The following INTS6 variants were observed in gnomAD, a reference collection of about 807,000 sequenced individuals.
INTS6 encodes integrator complex subunit 6.
In INTS6, 16 loss-of-function variants were observed where a neutral mutation model predicts 104.9. That is an observed-to-expected ratio of 0.15 (90% CI 0.10 to 0.23). INTS6 has a LOEUF of 0.23. Ranked by LOEUF, INTS6 falls within the 10% of genes least tolerant of loss-of-function variation. INTS6 has a pLI of 1.00. For synonymous variants in INTS6, 324 were observed against 358.7 expected, an observed-to-expected ratio of 0.90 and a Z score of 1.09; for missense variants, 584 against 1,062.8, an observed-to-expected ratio of 0.55 and a Z score of 6.26.
At position 51,355,661 on chromosome 13, in the gene INTS6, A is replaced by G. The variant is rs2137807254; in HGVS notation, n.431-1325T>C. ...CTTGCCTTAAAATGTTCTCCTTTCC[A>G]CCAACCACATTGAATTTCTTTGCAC... On this transcript the variant is annotated intron_variant and non_coding_transcript_variant, in intron 3 of 3. Transcript: ENST00000476666. 2.6e-5 allele frequency among the ~76,000 whole-genome samples: 4 copies of G among 152,216 alleles called. No homozygotes were observed. The South Asian group carries it at 8.3e-4, about 32-fold the overall frequency.
chr13:51,419,928 C>T (rs1260214550), intron 4 of INTS6, among the ~76,000 whole-genome samples: 1 of 152,180 alleles, frequency 6.6e-6, no homozygotes, highest in Non-Finnish European at 1.5e-5. Flanking sequence ...CAACCAAATC[C>T]AGCCCAGAGC....
intron 4 of INTS6, among the ~76,000 whole-genome samples, chr13:51,412,901 C>G (rs1044917715): frequency 2.0e-5 from 3 of 152,142 alleles, no homozygotes; most frequent in Non-Finnish European, 4.4e-5. Context: ...TTGGAAGAAA[C>G]TAGATCAACT....
chr13:51,374,573 C>CT, intron 14 of INTS6, 81 bp downstream of exon 14: 1 of 1,556,114 alleles, frequency 6.4e-7, no homozygotes, highest in Non-Finnish European at 8.8e-7. Flanking sequence ...ATAGCTTCAG[C>CT]TTACTTCAGT....
intron 4 of INTS6, among the ~76,000 whole-genome samples, chr13:51,426,683 C>G (rs1593749287): frequency 6.6e-6 from 1 of 151,930 alleles, no homozygotes; most frequent in Non-Finnish European, 1.5e-5. Flanking sequence ...CTTTGTTATC[C>G]TCATTGCCTA....
chr13:51,451,968 G>A lies in INTS6; in HGVS notation c.189+10C>T, dbSNP rs1318868754. 2 of 1,604,592 alleles carry A rather than the reference G, an allele frequency of 1.2e-6. No individual in the cohort carries two copies. Among genetic ancestry groups the A allele is most frequent in the Admixed American group, 1.7e-5 (1 of 59,774 alleles). On this transcript the variant is annotated intron_variant, in intron 2 of 17. Coordinates refer to ENST00000311234, the MANE Select transcript of INTS6 (RefSeq NM_012141.3). ...GGAAGGGAGGAAAGGGGGAGGGCGA[G>A]GGCTGTTACCTTGATAGCATAGGGC... is the stretch of plus-strand genomic sequence containing the variant.
intron 3 of INTS6, chr13:51,448,419 A>AC (rs1476495922): frequency 1.3e-5 from 2 of 152,206 alleles, no homozygotes; most frequent in African/African-American, 2.4e-5. Context: ...TAGGCATGGA[A>AC]TTTTTTAGTG....
intron 2 of INTS6, 121 bp downstream of exon 2, chr13:51,451,857 G>A: frequency 1.6e-6 from 1 of 625,518 alleles, no homozygotes; most frequent in Non-Finnish European, 2.8e-6. Flanking sequence ...GACCTCAGCG[G>A]CTGGGAGCGC....
At chr13:51,431,490 C>G (rs964975753) in intron 3 of INTS6, among the ~76,000 whole-genome samples, 1 of 152,138 alleles carries the variant, frequency 6.6e-6, no homozygotes, top group African/African-American at 2.4e-5. Flanking sequence ...CTTAGAACAA[C>G]AAGAATGTAG....
chr13:51,413,080 A>G (rs1455195979), intron 4 of INTS6, among the ~76,000 whole-genome samples: 1 of 152,228 alleles, frequency 6.6e-6, no homozygotes. Flanking sequence ...ATGGTAATCA[A>G]AAAGAAAGAC....
At chr13:51,361,073 A>G (rs1955566635), downstream of INTS6, among the ~76,000 whole-genome samples, 1 of 152,070 alleles carries the variant, frequency 6.6e-6, no homozygotes, top group Admixed American at 6.6e-5. Flanking sequence ...AAAGTTTGGT[A>G]ACATATTGAG....
chr13:51,426,993 T>A (rs1956996284), intron 4 of INTS6, among the ~76,000 whole-genome samples: 1 of 152,160 alleles, frequency 6.6e-6, no homozygotes, highest in African/African-American at 2.4e-5. Context: ...TTTTCTCATT[T>A]GTAAAATATA....
chr13:51,439,625 C>G (rs1952755996), intron 3 of INTS6: 1 of 152,208 alleles, frequency 6.6e-6, no homozygotes, highest in Non-Finnish European at 1.5e-5. Flanking sequence ...AGCACCTCCC[C>G]TAAACCCCCA....
At chr13:51,411,570 G>C (rs1468405315) in intron 4 of INTS6, among the ~76,000 whole-genome samples, 1 of 150,432 alleles carries the variant, frequency 6.6e-6, no homozygotes, top group East Asian at 1.9e-4. Flanking sequence ...AAAAAGAAAA[G>C]AAAAGAAACA....
intron 11 of INTS6, 102 bp downstream of exon 11, chr13:51,379,360 G>T: frequency 2.0e-6 from 1 of 493,370 alleles, no homozygotes; most frequent in Non-Finnish European, 3.6e-6. Context: ...TAATATAATG[G>T]AATTCCATTA....
intron 6 of INTS6, 46 bp from the exon 7 acceptor site, chr13:51,387,586 G>A (rs1440547355): frequency 1.2e-5 from 17 of 1,417,028 alleles, no homozygotes; most frequent in East Asian, 5.0e-5. Context: ...TCATAAGGGG[G>A]GATAAGCATA....
chr13:51,436,215 CT>C (rs1294013364), intron 3 of INTS6, among the ~76,000 whole-genome samples: 4 of 151,842 alleles, frequency 2.6e-5, no homozygotes, highest in Non-Finnish European at 4.4e-5. Context: ...AATACTTCAA[CT>C]TTTTTTTAAC....
rs1218335896 is a variant in INTS6 at position 51,387,166 on chromosome 13, T to C, written c.894+220A>G. The stretch of plus-strand genomic sequence containing the variant: ...AAATCGCAAGCATAGTATTAGATTC[T>C]AAACGAAGGAGATGCCTTTTTTCTA... On this transcript the variant is annotated intron_variant, in intron 7 of 17. Coordinates refer to ENST00000311234, the MANE Select transcript of INTS6 (RefSeq NM_012141.3). 2.0e-5 allele frequency among the ~76,000 whole-genome samples: 3 copies of C among 152,330 alleles called. No individual in the cohort carries two copies. In the South Asian group the frequency reaches 6.2e-4, roughly 32 times the overall value.
chr13:51,336,140 C>A, the INTS6 span, among the ~76,000 whole-genome samples: 2 of 152,200 alleles, frequency 1.3e-5, no homozygotes, highest in Non-Finnish European at 2.9e-5. Context: ...GCTCTAAATT[C>A]AAGTCTAGAG....
intron 3 of INTS6, among the ~76,000 whole-genome samples, chr13:51,355,465 A>T (rs1955467264): frequency 6.6e-6 from 1 of 152,070 alleles, no homozygotes; most frequent in African/African-American, 2.4e-5. Context: ...GCAGCAATAG[A>T]TTCTTCATTA....
Sources: allele counts gnomAD v4.1 joint callset (sites outside exome capture counted in the v4.1 genomes callset), GRCh38; gene constraint gnomAD v4.1.1; transcripts MANE v1.5; gene names NCBI Gene and HGNC (gene_info 2026-07-23, HGNC 2026-07-21).